Variants in BEND6 observed in about 807,000 individuals in gnomAD.
BEND6 encodes BEN domain containing 6, also known as BEN domain-containing protein 6.
In BEND6, 24 loss-of-function variants were observed where a neutral mutation model predicts 31.8. That is an observed-to-expected ratio of 0.75 (90% CI 0.55 to 1.06). The LOEUF (loss-of-function observed/expected upper bound fraction) is 1.06. BEND6 is among the 50% of genes least tolerant of loss of function. The pLI is 0.00. For synonymous variants in BEND6, 109 were observed against 114.6 expected, an observed-to-expected ratio of 0.95 and a Z score of 0.31; for missense variants, 294 against 327.4, an observed-to-expected ratio of 0.90 and a Z score of 0.79.
At chr6:57,001,155 C>CTTT (rs33918532) in intron 3 of BEND6, among the ~76,000 whole-genome samples, 4 of 118,250 alleles carry the variant, frequency 3.4e-5, no homozygotes, top group African/African-American at 1.2e-4. Flanking sequence ...AAGAAAAAGT[C>CTTT]TTTTTTTTTT....
chr6:56,958,122 C>T (rs908954744), intron 1 of BEND6, among the ~76,000 whole-genome samples: 1 of 152,196 alleles, frequency 6.6e-6, no homozygotes, highest in Non-Finnish European at 1.5e-5. Flanking sequence ...GGAAGCCTGA[C>T]ACTTTATAAT....
chr6:56,967,423 G>A (rs147104747), intron 1 of BEND6, among the ~76,000 whole-genome samples: 238 of 152,238 alleles, frequency 1.6e-3, no homozygotes, highest in African/African-American at 5.2e-3. Context: ...CCCACAGGAA[G>A]GGAGCCGGGA....
At chr6:56,964,102 T>C (rs1398695052) in intron 1 of BEND6, among the ~76,000 whole-genome samples, 1 of 151,086 alleles carries the variant, frequency 6.6e-6, no homozygotes, top group African/African-American at 2.4e-5. Flanking sequence ...TGGGGTATTT[T>C]ATTATTCCCA....
At chr6:57,002,773 A>G (rs1051230894) in intron 3 of BEND6, among the ~76,000 whole-genome samples, 6 of 152,150 alleles carry the variant, frequency 3.9e-5, no homozygotes, top group East Asian at 1.9e-4. Flanking sequence ...AAATACCTCA[A>G]TGATCTAACA....
chr6:56,962,963 A>G (rs1298804162), intron 1 of BEND6, among the ~76,000 whole-genome samples: 5 of 152,206 alleles, frequency 3.3e-5, no homozygotes, highest in Admixed American at 2.0e-4. Flanking sequence ...ACGTGCATTT[A>G]CTCATTCAAT....
intron 3 of BEND6, among the ~76,000 whole-genome samples, chr6:57,007,088 G>A (rs1185398177): frequency 6.6e-6 from 1 of 152,020 alleles, no homozygotes; most frequent in Admixed American, 6.5e-5. Flanking sequence ...CTAGGAGTTC[G>A]AGACCACCCT....
intron 1 of BEND6, among the ~76,000 whole-genome samples, chr6:56,956,687 T>G (rs1457353084): frequency 6.6e-6 from 1 of 152,204 alleles, no homozygotes; most frequent in Non-Finnish European, 1.5e-5. Context: ...TGCACTGAAT[T>G]CCAGGATAGG....
rs1417696044 is a variant in BEND6, at chr6:57,014,562, T to C, written c.299-571T>C. 2.4e-5 allele frequency: 33 copies of C among 1,388,188 alleles called. No individual in the cohort carries two copies. The East Asian group carries it at 8.0e-4, about 34-fold the overall frequency. The allele number at this position is 1,388,188 out of a possible 1,614,324, so 86.0% of individuals were successfully genotyped here. On this transcript the variant is annotated intron_variant, in intron 3 of 6. Coordinates refer to ENST00000370746, the MANE Select transcript of BEND6 (RefSeq NM_152731.3). ...TTTGAAAAAAGGAACAAAGAAAATA[T>C]TCCATTGATTACCAAAATTCATCTT...
At chr6:56,965,001 T>G (rs1825419697) in intron 1 of BEND6, among the ~76,000 whole-genome samples, 1 of 152,240 alleles carries the variant, frequency 6.6e-6, no homozygotes, top group South Asian at 2.1e-4. Flanking sequence ...ACTTGCCCTA[T>G]GGCTAACCAC....
chr6:57,008,482 A>G, intron 3 of BEND6: 1 of 428,416 alleles, frequency 2.3e-6, no homozygotes, highest in South Asian at 5.0e-5. Context: ...TGTGACTGTC[A>G]TGCAGGCCTG....
intron 1 of BEND6, among the ~76,000 whole-genome samples, chr6:56,981,177 G>C (rs1216577044): frequency 6.6e-6 from 1 of 152,008 alleles, no homozygotes; most frequent in Non-Finnish European, 1.5e-5. Context: ...TATTGCCCTT[G>C]AGATTTTTCC....
chr6:56,995,187 C>A (rs527804159), intron 3 of BEND6, among the ~76,000 whole-genome samples: 1 of 151,870 alleles, frequency 6.6e-6, no homozygotes, highest in Admixed American at 6.6e-5. Flanking sequence ...TGAATCATTC[C>A]CATTAGTATC....
At chr6:56,975,629 T>G in intron 1 of BEND6, 1 of 379,794 alleles carries the variant, frequency 2.6e-6, no homozygotes, top group Non-Finnish European at 5.2e-6. Context: ...GCCCAGCAGT[T>G]TCATTCTCAT....
chr6:56,971,345 A>G (rs758923039), intron 1 of BEND6, among the ~76,000 whole-genome samples: 4 of 152,222 alleles, frequency 2.6e-5, no homozygotes, highest in Non-Finnish European at 4.4e-5. Context: ...CATTATATGT[A>G]TCTGCCCATT....
chr6:56,982,641 C>A (rs1296622235), intron 2 of BEND6, among the ~76,000 whole-genome samples: 2 of 151,852 alleles, frequency 1.3e-5, no homozygotes, highest in East Asian at 3.8e-4. Context: ...TTCATATATT[C>A]TTAATTATTT....
At chr6:56,987,686 A>G (rs1826333239) in intron 2 of BEND6, among the ~76,000 whole-genome samples, 1 of 152,176 alleles carries the variant, frequency 6.6e-6, no homozygotes, top group African/African-American at 2.4e-5. Context: ...TCCATGCACC[A>G]GAATGTCTTT....
At chr6:57,019,984 A>G (rs926950692) in intron 6 of BEND6, among the ~76,000 whole-genome samples, 1 of 152,202 alleles carries the variant, frequency 6.6e-6, no homozygotes, top group African/African-American at 2.4e-5. Context: ...CTGTAGTCCC[A>G]GTAACCCAGG....
intron 2 of BEND6, among the ~76,000 whole-genome samples, chr6:56,991,718 T>G (rs1826508787): frequency 6.6e-6 from 1 of 151,994 alleles, no homozygotes; most frequent in South Asian, 2.1e-4. Context: ...TACAGAAGAA[T>G]ACACATATAA....
At chr6:57,012,853 T>G (rs1301147867) in intron 3 of BEND6, among the ~76,000 whole-genome samples, 1 of 152,212 alleles carries the variant, frequency 6.6e-6, no homozygotes, top group African/African-American at 2.4e-5. Context: ...AATTCCCTTT[T>G]TCTTCTTACA....
Sources: gnomAD v4.1 joint callset for allele counts (sites outside exome capture counted in the v4.1 genomes callset) on GRCh38, gnomAD v4.1.1 for gene constraint, MANE v1.5 for transcripts, NCBI Gene and HGNC (gene_info 2026-07-23, HGNC 2026-07-21) for gene names.